The following KARS1 variants were observed in gnomAD, a reference collection of about 807,000 sequenced individuals.
The protein encoded by KARS1 is lysyl-tRNA synthetase 1, also known as lysine--tRNA ligase.
KARS1 carries 50 observed loss-of-function variants against 63.9 expected under a neutral mutation model. The ratio of observed to expected loss-of-function variants is 0.78; its 90% CI spans 0.62 to 0.99. The LOEUF is 0.99. Ranked by LOEUF, KARS1 falls within the 50% of genes least tolerant of loss-of-function variation. KARS1 has a pLI of 0.00. For synonymous variants in KARS1, 320 were observed against 264.6 expected (o/e 1.21, Z -2.03); for missense variants, 816 against 754.5 (o/e 1.08, Z -0.95).
chr16:75,636,925 C>T (rs554527099), intron 3 of KARS1, among the ~76,000 whole-genome samples: 1 of 150,618 alleles, frequency 6.6e-6, no homozygotes, highest in African/African-American at 2.5e-5. Context: ...CAGGTGTGAG[C>T]CCCCACACCC....
intron 1 of KARS1, among the ~76,000 whole-genome samples, chr16:75,646,794 G>T (rs1370175474): frequency 6.6e-6 from 1 of 151,832 alleles, no homozygotes. Flanking sequence ...TAACAAGTGC[G>T]CGCCACGGGG....
chr16:75,628,602 G>A lies in KARS1; in HGVS notation c.1662C>T (p.Val554=), dbSNP rs750566432. The change falls in exon 13 of 14, where the codon GTC becomes GTT. Residue 554 remains valine (V), a synonymous_variant. Transcript: ENST00000302445. ...TGTTGGAGTCCGTGAGAAACATGGC[G>A]ACTCGATCAATGCCCATGCCCCAGC... is the stretch of plus-strand genomic sequence containing the variant. ...TAGWGMGIDR[V]AMFLTDSNNI... is the part of the protein sequence containing the mutation. The A allele has an allele frequency of 1.3e-5, 21 of 1,614,050 alleles. No homozygotes were observed. Among genetic ancestry groups the A allele is most frequent in the South Asian group, 7.7e-5 (7 of 91,078 alleles).
chr16:75,647,121 A>G (rs907463495), intron 1 of KARS1, among the ~76,000 whole-genome samples: 4 of 152,172 alleles, frequency 2.6e-5, no homozygotes, highest in African/African-American at 9.7e-5. Context: ...ATCCCTTTTA[A>G]TACATAACGT....
Position 75,631,765 on chromosome 16 carries a change from TG to T in KARS1, c.1005del (p.Phe335LeufsTer28). The stretch of plus-strand genomic sequence containing the variant: ...TAGGCCATGTAGAACTCACAGGTGG[TG>T]AACTCAGGATTGTGCGTCAAATCAA... ...EGIDLTHNPE[F>X]TTCEFYMAYA... On this transcript the variant is annotated frameshift_variant, in exon 8 of 14. Coordinates refer to ENST00000302445, the MANE Select transcript of KARS1 (RefSeq NM_005548.3). LOFTEE classifies it high-confidence loss of function. 1 of 1,614,224 alleles carries T rather than the reference TG, an allele frequency of 6.2e-7. No individual in the cohort carries two copies. The highest frequency in any genetic ancestry group is 1.1e-5 in the South Asian group (1 of 91,086).
intron 1 of KARS1, chr16:75,644,600 G>C (rs967032758): frequency 2.9e-5 from 16 of 549,162 alleles, no homozygotes; most frequent in Non-Finnish European, 4.8e-5. Context: ...TGTCTTAACT[G>C]ATAGCAACCC....
At chr16:75,637,879 C>T (rs1214811913) in intron 3 of KARS1, among the ~76,000 whole-genome samples, 2 of 102,862 alleles carry the variant, frequency 1.9e-5, no homozygotes, top group Non-Finnish European at 4.0e-5. Context: ...TAAAAACTAA[C>T]AGGACAAGGA....
chr16:75,634,989 A>G (rs1223938681), intron 6 of KARS1, among the ~76,000 whole-genome samples: 2 of 152,224 alleles, frequency 1.3e-5, no homozygotes, highest in African/African-American at 2.4e-5. Context: ...CTACTTCTAG[A>G]AATCCATCCT....
intron 3 of KARS1, chr16:75,639,977 T>C: frequency 3.4e-6 from 2 of 592,562 alleles, no homozygotes; most frequent in South Asian, 2.0e-5. Context: ...CCCCTCTCTT[T>C]GTAGCACTAC....
intron 1 of KARS1, among the ~76,000 whole-genome samples, chr16:75,646,112 C>T (rs970426541): frequency 6.6e-6 from 1 of 152,138 alleles, no homozygotes; most frequent in Non-Finnish European, 1.5e-5. Context: ...GACCAGGTTC[C>T]AAACTTTTAT....
At chr16:75,646,729 C>T (rs903567210) in intron 1 of KARS1, among the ~76,000 whole-genome samples, 1 of 151,684 alleles carries the variant, frequency 6.6e-6, no homozygotes, top group African/African-American at 2.4e-5. Flanking sequence ...ACACTGCAAC[C>T]TCCGCCTCCT....
intron 2 of KARS1, among the ~76,000 whole-genome samples, chr16:75,641,197 G>A (rs973751807): frequency 7.4e-6 from 1 of 134,646 alleles, no homozygotes; most frequent in African/African-American, 3.2e-5. Flanking sequence ...AAACCAGGGA[G>A]GGAAGGATAA....
At chr16:75,633,299 T>G (rs947387924) in intron 7 of KARS1, among the ~76,000 whole-genome samples, 1 of 152,196 alleles carries the variant, frequency 6.6e-6, no homozygotes, top group Non-Finnish European at 1.5e-5. Flanking sequence ...GTGTACGTTT[T>G]ATTCATCCAT....
chr16:75,641,794 T>C, intron 1 of KARS1, 71 bp from the exon 2 acceptor site: 1 of 1,533,098 alleles, frequency 6.5e-7, no homozygotes, highest in Non-Finnish European at 9.0e-7. Flanking sequence ...CCCTAGCAAC[T>C]TATCAAAAAC....
At chr16:75,636,697 G>T (rs371646864) in intron 3 of KARS1, 150 bp from the exon 4 acceptor site, 2 of 567,916 alleles carry the variant, frequency 3.5e-6, no homozygotes, top group Non-Finnish European at 6.3e-6. Flanking sequence ...GCAGTGGCAC[G>T]ATCTCAGCTC....
intron 1 of KARS1, chr16:75,644,396 C>T: frequency 6.2e-7 from 1 of 1,612,578 alleles, no homozygotes; most frequent in South Asian, 1.1e-5. Flanking sequence ...GCAGGGACCC[C>T]CTAACAAGCC....
intron 1 of KARS1, among the ~76,000 whole-genome samples, chr16:75,645,821 G>A (rs999656890): frequency 2.1e-5 from 3 of 145,844 alleles, no homozygotes; most frequent in East Asian, 4.1e-4. Flanking sequence ...CAATCCAGCC[G>A]GGGCAACAAC....
chr16:75,638,399 T>C (rs912519501), intron 3 of KARS1, among the ~76,000 whole-genome samples: 61 of 152,196 alleles, frequency 4.0e-4, no homozygotes, highest in Admixed American at 3.6e-3. Flanking sequence ...CCCCGCCCCT[T>C]GACAGGCCCC....
At chr16:75,646,392 T>C (rs1023384895) in intron 1 of KARS1, among the ~76,000 whole-genome samples, 1 of 151,756 alleles carries the variant, frequency 6.6e-6, no homozygotes, top group Non-Finnish European at 1.5e-5. Flanking sequence ...AATACAAAAA[T>C]TGGCCAGCCA....
intron 1 of KARS1, among the ~76,000 whole-genome samples, chr16:75,647,176 T>G (rs2082296267): frequency 6.6e-6 from 1 of 152,236 alleles, no homozygotes; most frequent in African/African-American, 2.4e-5. Flanking sequence ...AAGGTCTTTC[T>G]GAAAAGCTAG....
Sources: gnomAD v4.1 joint callset for allele counts (sites outside exome capture counted in the v4.1 genomes callset) on GRCh38, gnomAD v4.1.1 for gene constraint, MANE v1.5 for transcripts, NCBI Gene and HGNC (gene_info 2026-07-23, HGNC 2026-07-21) for gene names.